The following UVRAG variants were observed in gnomAD, a reference collection of about 807,000 sequenced individuals.
UVRAG encodes UV radiation resistance associated.
A neutral mutation model predicts 78.0 loss-of-function variants in UVRAG; 19 were observed. The ratio of observed to expected loss-of-function variants is 0.24; its 90% CI spans 0.17 to 0.36. The LOEUF (loss-of-function observed/expected upper bound fraction) is 0.36. UVRAG is among the 10% of genes least tolerant of loss of function. The pLI, the probability that UVRAG is intolerant of heterozygous loss-of-function variation, is 1.00. For missense variants in UVRAG, 740 were observed against 853.8 expected, an observed-to-expected ratio of 0.87 and a Z score of 1.66; for synonymous variants, 323 against 324.6, an observed-to-expected ratio of 1.00 and a Z score of 0.05.
In UVRAG at chr11:75,851,962, T is replaced by A. The variant is rs1196653676; in HGVS notation, c.197T>A (p.Phe66Tyr). 6.2e-7 allele frequency: 1 copy of A among 1,613,916 alleles called. No homozygotes were observed. The highest frequency in any genetic ancestry group is 1.7e-5 in the Admixed American group (1 of 59,996). ...RNGHQLLDTY[F>Y]TLHLCSTEKI... Reference sequence around the variant, plus strand: ...GGCCATCAGCTCCTTGATACCTACTTTACACTTCACTTGTGTAGTACTGAA... The same window carrying A: ...GGCCATCAGCTCCTTGATACCTACTATACACTTCACTTGTGTAGTACTGAA... Residue 66 changes from phenylalanine to tyrosine, a missense_variant, in exon 2 of 15, where the codon TTT becomes TAT. Physicochemically the swap from Phe to Tyr is conservative, Grantham distance 22. Transcript: ENST00000356136.
intron 4 of UVRAG, 116 bp from the exon 5 acceptor site, chr11:75,888,713 G>A: frequency 2.7e-6 from 2 of 746,978 alleles, no homozygotes; most frequent in South Asian, 2.1e-5. Flanking sequence ...ATGTTTAGAT[G>A]TAGTCAGCCG....
chr11:75,974,555 AT>A (rs1167486241), intron 7 of UVRAG, among the ~76,000 whole-genome samples: 1 of 149,116 alleles, frequency 6.7e-6, no homozygotes, highest in East Asian at 2.0e-4. Flanking sequence ...TTTAGTAGAG[AT>A]GGGGTTTCAC....
rs1950185075 is a variant in UVRAG, at chr11:76,018,437, GTCTT to G, written c.1226+1458_1226+1461del. Among the ~76,000 whole-genome samples, 5 of 152,014 alleles carry G rather than the reference GTCTT, an allele frequency of 3.3e-5. No homozygotes were observed. In the South Asian group the frequency reaches 1.0e-3, roughly 32 times the overall value. On this transcript the variant is annotated intron_variant, in intron 12 of 14. Transcript: ENST00000356136. The stretch of plus-strand genomic sequence containing the variant: ...TTGTTGTTTGTTTTTTTGAGATGGA[GTCTT>G]GCTCTGTTGCCAGGCTGGAGGGCAG...
At chr11:75,892,678 G>A (rs984399946) in intron 5 of UVRAG, among the ~76,000 whole-genome samples, 1 of 152,144 alleles carries the variant, frequency 6.6e-6, no homozygotes, top group African/African-American at 2.4e-5. Flanking sequence ...AGTGAGCTTT[G>A]TTAATTGGAT....
chr11:76,058,475 A>G (rs543540630), intron 12 of UVRAG, among the ~76,000 whole-genome samples: 1 of 148,904 alleles, frequency 6.7e-6, no homozygotes, highest in South Asian at 2.1e-4. Flanking sequence ...CAGAGGCTGC[A>G]GTGAGTCATG....
intron 5 of UVRAG, chr11:75,892,409 T>C (rs1947231860): frequency 1.0e-6 from 1 of 984,684 alleles, no homozygotes; most frequent in Non-Finnish European, 1.2e-6. Context: ...TGTTTCCCTC[T>C]AACGGGAATA....
chr11:75,981,706 G>A (rs1244119436), intron 7 of UVRAG, among the ~76,000 whole-genome samples: 2 of 151,720 alleles, frequency 1.3e-5, no homozygotes, highest in Non-Finnish European at 2.9e-5. Context: ...TTTTGGTATA[G>A]TTACACAGGT....
chr11:76,005,395 A>G (rs994613410), intron 9 of UVRAG, among the ~76,000 whole-genome samples: 3 of 152,144 alleles, frequency 2.0e-5, no homozygotes, highest in Non-Finnish European at 2.9e-5. Flanking sequence ...ATCTATTCCA[A>G]TTCTCTCAAT....
intron 14 of UVRAG, among the ~76,000 whole-genome samples, chr11:76,119,636 C>T (rs780977799): frequency 1.3e-5 from 2 of 152,220 alleles, no homozygotes; most frequent in Admixed American, 6.5e-5. Flanking sequence ...TCTCCACTCA[C>T]ATCAGAGCTA....
chr11:75,862,153 G>T (rs1179514335), intron 3 of UVRAG, among the ~76,000 whole-genome samples: 1 of 152,124 alleles, frequency 6.6e-6, no homozygotes, highest in South Asian at 2.1e-4. Flanking sequence ...AACTTTAAAT[G>T]ATAAAAACTC....
intron 13 of UVRAG, among the ~76,000 whole-genome samples, chr11:76,082,006 C>T (rs989419444): frequency 2.0e-5 from 3 of 148,178 alleles, no homozygotes; most frequent in East Asian, 2.0e-4. Context: ...CAAGATTAAA[C>T]GATATTATTT....
chr11:75,921,613 T>C (rs1025316117), intron 6 of UVRAG, among the ~76,000 whole-genome samples: 6 of 152,116 alleles, frequency 3.9e-5, no homozygotes, highest in Non-Finnish European at 7.4e-5. Context: ...ACCTTGCTTC[T>C]ATAGATATTT....
rs1950987644 is a variant in UVRAG, at chr11:76,056,530, CCTT to C, written c.1227-9176_1227-9174del. On this transcript the variant is annotated intron_variant, in intron 12 of 14. Transcript: ENST00000356136. ...GTCTCTTTTAATCTGAAGGTTCTCT[CCTT>C]CTTTATTTTTCCTTGCATTTTTTTC... is the stretch of plus-strand genomic sequence containing the variant. Among the ~76,000 whole-genome samples, 4 of 152,154 alleles carry C rather than the reference CCTT, an allele frequency of 2.6e-5. No homozygotes were observed. The South Asian group carries it at 8.3e-4, about 32-fold the overall frequency.
intron 6 of UVRAG, among the ~76,000 whole-genome samples, chr11:75,921,142 G>A (rs1282283682): frequency 6.6e-6 from 1 of 152,184 alleles, no homozygotes; most frequent in East Asian, 1.9e-4. Flanking sequence ...TGTTTCAATT[G>A]TTAGAGATAA....
At position 76,143,302 on chromosome 11, in the gene UVRAG, G is replaced by C. The variant is rs988758662; in HGVS notation, c.*1889G>C. On this transcript the variant is annotated 3_prime_UTR_variant, in exon 15 of 15. Coordinates refer to ENST00000356136, the MANE Select transcript of UVRAG (RefSeq NM_003369.4). ...TAAATGTCACACCAAACTCAAAGTA[G>C]GTACACTGGGTTGCAGGGCATCCAG... 6 of 152,248 alleles carry C rather than the reference G, an allele frequency of 3.9e-5. No individual in the cohort carries two copies. Among genetic ancestry groups the C allele is most frequent in the African/African-American group, 1.4e-4 (6 of 41,454 alleles). The allele number at this position is 152,248 out of a possible 1,614,324, so 9.4% of individuals were successfully genotyped here. A position where few individuals can be genotyped will look rare whatever the true frequency, so the allele number is the denominator to read the frequency against.
At position 75,815,341 on chromosome 11, in the gene UVRAG, T is replaced by C. The variant is rs1007005365; in HGVS notation, c.-67T>C. 4.1e-5 allele frequency: 36 copies of C among 868,844 alleles called. No individual in the cohort carries two copies. The Admixed American group carries it at 1.1e-3, about 26-fold the overall frequency. 53.8% of individuals were successfully genotyped at this position (868,844 alleles called of 1,614,324 possible). Reference sequence around the variant, plus strand: ...TAGGCTGCAGGGGCTTGGTAGGTGGTGGCAAGGGGGCGGCGGCGGATGCCG... The same window carrying C: ...TAGGCTGCAGGGGCTTGGTAGGTGGCGGCAAGGGGGCGGCGGCGGATGCCG... On this transcript the variant is annotated 5_prime_UTR_variant, in exon 1 of 15. Transcript: ENST00000356136.
At chr11:75,933,484 A>G (rs941035733) in intron 6 of UVRAG, among the ~76,000 whole-genome samples, 3 of 152,224 alleles carry the variant, frequency 2.0e-5, no homozygotes, top group Non-Finnish European at 4.4e-5. Flanking sequence ...AGCACAGGCA[A>G]CCAAAGCAAA....
chr11:75,904,735 G>A (rs1947580134), intron 5 of UVRAG, among the ~76,000 whole-genome samples: 1 of 152,108 alleles, frequency 6.6e-6, no homozygotes, highest in African/African-American at 2.4e-5. Flanking sequence ...AATAGCACCT[G>A]TTTCACAGGG....
chr11:76,122,918 T>G (rs1952312371), intron 14 of UVRAG, among the ~76,000 whole-genome samples: 1 of 152,204 alleles, frequency 6.6e-6, no homozygotes, highest in Non-Finnish European at 1.5e-5. Context: ...TTACTTAAGC[T>G]TGCAAGAACC....
Sources: gnomAD v4.1 joint callset for allele counts (sites outside exome capture counted in the v4.1 genomes callset) on GRCh38, gnomAD v4.1.1 for gene constraint, MANE v1.5 for transcripts, NCBI Gene and HGNC (gene_info 2026-07-23, HGNC 2026-07-21) for gene names.